Variants in TNR observed in about 807,000 individuals in gnomAD.
The protein encoded by TNR is tenascin-R.
A neutral mutation model predicts 150.4 loss-of-function variants in TNR; 45 were observed. The observed-to-expected ratio is 0.30, with a 90% CI of 0.24 to 0.38. The LOEUF (loss-of-function observed/expected upper bound fraction) is 0.38. Among genes scored for constraint, TNR ranks in the 10% least tolerant of loss-of-function variants. The probability of loss-of-function intolerance (pLI) is 1.00; values close to 1 mark genes in which losing one functional copy is unlikely to be tolerated. For missense variants in TNR, 1,544 were observed against 1,759.1 expected (o/e 0.88, Z 2.19); for synonymous variants, 687 against 678.4 (o/e 1.01, Z -0.20).
intron 1 of TNR, among the ~76,000 whole-genome samples, chr1:175,574,284 G>T (rs558318690): frequency 2.0e-5 from 3 of 152,278 alleles, no homozygotes; most frequent in African/African-American, 7.2e-5. Flanking sequence ...CCCACCCTGG[G>T]TGAAATGAAA....
chr1:175,596,461 C>A (rs1663011711), intron 1 of TNR, among the ~76,000 whole-genome samples: 1 of 152,174 alleles, frequency 6.6e-6, no homozygotes, highest in South Asian at 2.1e-4. Context: ...ACCTGCTGTA[C>A]TGTGGGCTCT....
chr1:175,331,599 A>G (rs1221498155), intron 20 of TNR, among the ~76,000 whole-genome samples: 1 of 152,020 alleles, frequency 6.6e-6, no homozygotes, highest in African/African-American at 2.4e-5. Context: ...CCTGCTTGTC[A>G]TGATTAGCCA....
At chr1:175,699,364 A>C (rs1156937147) in intron 1 of TNR, among the ~76,000 whole-genome samples, 1 of 152,178 alleles carries the variant, frequency 6.6e-6, no homozygotes, top group Admixed American at 6.5e-5. Context: ...GGCTCATTTG[A>C]GGTTTGTGAC....
intron 1 of TNR, among the ~76,000 whole-genome samples, chr1:175,666,051 CAT>C (rs1308704177): frequency 1.3e-5 from 2 of 152,206 alleles, no homozygotes; most frequent in Non-Finnish European, 2.9e-5. Flanking sequence ...AAAACTTAGT[CAT>C]ATATTAAATT....
chr1:175,379,822 G>A, intron 8 of TNR, 85 bp from the exon 9 acceptor site: 1 of 1,458,706 alleles, frequency 6.9e-7, no homozygotes, highest in Non-Finnish European at 9.3e-7. Flanking sequence ...AAAGATTGGT[G>A]GTGACAGCCC....
chr1:175,432,694 A>G (rs1337517929), intron 2 of TNR, among the ~76,000 whole-genome samples: 1 of 149,594 alleles, frequency 6.7e-6, no homozygotes, highest in African/African-American at 2.5e-5. Context: ...TTTATGTTCT[A>G]TGGTATTGTA....
intron 18 of TNR, among the ~76,000 whole-genome samples, chr1:175,344,393 C>A (rs1650674134): frequency 6.6e-6 from 1 of 152,156 alleles, no homozygotes; most frequent in South Asian, 2.1e-4. Context: ...GGGTTCCTGC[C>A]TTCATACCCA....
At chr1:175,331,019 T>TTC (rs1161988321) in intron 20 of TNR, among the ~76,000 whole-genome samples, 1 of 61,970 alleles carries the variant, frequency 1.6e-5, no homozygotes, top group Non-Finnish European at 3.3e-5. Context: ...CTTTCTTTCT[T>TTC]TCTTTCTTTC....
At chr1:175,402,060 C>T (rs1653728117) in intron 4 of TNR, among the ~76,000 whole-genome samples, 2 of 152,092 alleles carry the variant, frequency 1.3e-5, no homozygotes, top group African/African-American at 4.8e-5. Flanking sequence ...GTAATCCCAG[C>T]ACTTTGGGAG....
At chr1:175,359,945 CCA>C (rs1330090446) in intron 14 of TNR, among the ~76,000 whole-genome samples, 1 of 152,182 alleles carries the variant, frequency 6.6e-6, no homozygotes, top group Non-Finnish European at 1.5e-5. Flanking sequence ...CAGTTCTCCC[CCA>C]GTCGCCCCCA....
At chr1:175,706,459 G>T (rs1044590085) in intron 1 of TNR, among the ~76,000 whole-genome samples, 1 of 152,130 alleles carries the variant, frequency 6.6e-6, no homozygotes, top group African/African-American at 2.4e-5. Context: ...ATGACAGGAA[G>T]GCATCTTAAA....
At chr1:175,658,012 T>C (rs1665245431) in intron 1 of TNR, among the ~76,000 whole-genome samples, 1 of 150,860 alleles carries the variant, frequency 6.6e-6, no homozygotes, top group Non-Finnish European at 1.5e-5. Context: ...TCCACTTGGG[T>C]TCCCAGCAGT....
intron 1 of TNR, among the ~76,000 whole-genome samples, chr1:175,561,273 A>G (rs1661414511): frequency 6.6e-6 from 1 of 152,186 alleles, no homozygotes; most frequent in African/African-American, 2.4e-5. Flanking sequence ...CTGTTATTTC[A>G]GGATGTCACC....
At chr1:175,731,571 A>G (rs1404890132) in intron 1 of TNR, among the ~76,000 whole-genome samples, 1 of 152,166 alleles carries the variant, frequency 6.6e-6, no homozygotes. Flanking sequence ...ATGGACAGTA[A>G]TTATTATTCC....
chr1:175,491,825 A>G (rs981314269), intron 2 of TNR, among the ~76,000 whole-genome samples: 11 of 151,566 alleles, frequency 7.3e-5, no homozygotes, highest in Non-Finnish European at 1.5e-5. Flanking sequence ...AATTTTTTGT[A>G]TTTTTAGTAG....
chr1:175,662,296 C>T (rs1057170174), intron 1 of TNR, among the ~76,000 whole-genome samples: 4 of 152,188 alleles, frequency 2.6e-5, no homozygotes, highest in Non-Finnish European at 5.9e-5. Context: ...TAGGGTCTCC[C>T]CTAGTTACTC....
At chr1:175,615,155 C>A (rs547876276) in intron 1 of TNR, among the ~76,000 whole-genome samples, 2 of 152,316 alleles carry the variant, frequency 1.3e-5, no homozygotes, top group African/African-American at 4.8e-5. Flanking sequence ...GAATTATAAA[C>A]CTTTCATCTT....
chr1:175,394,777 C>A (rs1653343336), intron 5 of TNR, among the ~76,000 whole-genome samples: 1 of 152,190 alleles, frequency 6.6e-6, no homozygotes, highest in African/African-American at 2.4e-5. Context: ...TGACTGCAAG[C>A]CCACTTGAAG....
chr1:175,460,301 T>C (rs1656757233), intron 2 of TNR, among the ~76,000 whole-genome samples: 1 of 152,138 alleles, frequency 6.6e-6, no homozygotes, highest in African/African-American at 2.4e-5. Context: ...TACCTTCTGC[T>C]AGCTTCTTTA....
Sources: allele counts gnomAD v4.1 joint callset (sites outside exome capture counted in the v4.1 genomes callset), GRCh38; gene constraint gnomAD v4.1.1; transcripts MANE v1.5; gene names NCBI Gene and HGNC (gene_info 2026-07-23, HGNC 2026-07-21).